The following ASPRV1 variants were observed in gnomAD, a reference collection of about 807,000 sequenced individuals.
ASPRV1 encodes aspartic peptidase retroviral like 1.
A neutral mutation model predicts 11.0 loss-of-function variants in ASPRV1; 7 were observed. That is an observed-to-expected ratio of 0.64 (90% CI 0.36 to 1.20). The LOEUF (loss-of-function observed/expected upper bound fraction) is 1.20, where lower values mean the gene tolerates loss of function less well. Among genes scored for constraint, ASPRV1 ranks in the 50% most tolerant of loss-of-function variants. ASPRV1 has a pLI of 0.02. For synonymous variants in ASPRV1, 136 were observed against 138.4 expected, an observed-to-expected ratio of 0.98 and a Z score of 0.12; for missense variants, 299 against 320.0, an observed-to-expected ratio of 0.93 and a Z score of 0.50.
chr2:70,073,396 C>T, the ASPRV1 span: 10 of 152,180 alleles, frequency 6.6e-5, no homozygotes, highest in East Asian at 5.8e-4. Flanking sequence ...GCTAAAAGTA[C>T]GGGTTTGATA....
At chr2:70,035,646 C>T in the ASPRV1 span, among the ~76,000 whole-genome samples, 1 of 149,600 alleles carries the variant, frequency 6.7e-6, no homozygotes, top group African/African-American at 2.5e-5. Context: ...TTCTGGACTC[C>T]TCATACGAGA....
the ASPRV1 span, among the ~76,000 whole-genome samples, chr2:70,032,477 C>T: frequency 6.7e-6 from 1 of 148,976 alleles, no homozygotes; most frequent in Non-Finnish European, 1.5e-5. Context: ...AGCAACCTGG[C>T]GAGACTTGGT....
At chr2:69,934,094 G>A in the ASPRV1 span, among the ~76,000 whole-genome samples, 40 of 152,342 alleles carry the variant, frequency 2.6e-4, no homozygotes, top group Admixed American at 7.2e-4. Context: ...TTTGAGGCAC[G>A]GTGACAGCAC....
the ASPRV1 span, among the ~76,000 whole-genome samples, chr2:70,061,551 C>T: frequency 6.6e-6 from 1 of 152,110 alleles, no homozygotes; most frequent in Non-Finnish European, 1.5e-5. Context: ...GATGAAGGTG[C>T]CAGCAGTAGG....
At chr2:69,935,010 A>G in the ASPRV1 span, among the ~76,000 whole-genome samples, 2 of 152,248 alleles carry the variant, frequency 1.3e-5, no homozygotes, top group African/African-American at 2.4e-5. Flanking sequence ...CAATAAACTC[A>G]TTATAAATTT....
At chr2:69,935,383 T>C in the ASPRV1 span, 1 of 1,614,138 alleles carries the variant, frequency 6.2e-7, no homozygotes, top group Non-Finnish European at 8.5e-7. Context: ...CTGGAGAAGT[T>C]GAAGGGGCTG....
the ASPRV1 span, among the ~76,000 whole-genome samples, chr2:69,943,381 A>C: frequency 2.0e-5 from 3 of 152,214 alleles, no homozygotes; most frequent in African/African-American, 7.2e-5. Flanking sequence ...ATGAGAAGTT[A>C]GAGGTGGTGC....
At chr2:70,005,232 A>C in the ASPRV1 span, among the ~76,000 whole-genome samples, 1 of 151,930 alleles carries the variant, frequency 6.6e-6, no homozygotes, top group Admixed American at 6.6e-5. Flanking sequence ...GCTAATTTTT[A>C]AACTTTTTGT....
chr2:70,069,682 T>C, the ASPRV1 span, among the ~76,000 whole-genome samples: 1 of 152,152 alleles, frequency 6.6e-6, no homozygotes, highest in South Asian at 2.1e-4. Context: ...TTGGCAAAAT[T>C]CCTGTCTCAC....
the ASPRV1 span, among the ~76,000 whole-genome samples, chr2:70,057,543 A>G: frequency 6.6e-6 from 1 of 151,094 alleles, no homozygotes; most frequent in Non-Finnish European, 1.5e-5. Flanking sequence ...CAGTGGTGTG[A>G]TCTCGGCTCA....
chr2:70,077,771 C>A, the ASPRV1 span, among the ~76,000 whole-genome samples: 2 of 151,678 alleles, frequency 1.3e-5, no homozygotes, highest in African/African-American at 4.8e-5. Flanking sequence ...AGGAGAATCA[C>A]TTGAATACGG....
chr2:70,072,635 T>C, the ASPRV1 span, among the ~76,000 whole-genome samples: 2 of 151,868 alleles, frequency 1.3e-5, no homozygotes, highest in Admixed American at 6.6e-5. Flanking sequence ...GGCAGGAGAA[T>C]CACTTGAACT....
At chr2:70,081,769 GA>G in the ASPRV1 span, among the ~76,000 whole-genome samples, 1 of 151,668 alleles carries the variant, frequency 6.6e-6, no homozygotes, top group East Asian at 1.9e-4. Flanking sequence ...TTTTTTTGTA[GA>G]GACAGGGTCT....
the ASPRV1 span, among the ~76,000 whole-genome samples, chr2:70,023,484 T>A: frequency 6.6e-6 from 1 of 152,088 alleles, no homozygotes; most frequent in Non-Finnish European, 1.5e-5. Flanking sequence ...GCCTCTCTTC[T>A]CCACTCAGGC....
At chr2:70,029,798 C>G in the ASPRV1 span, among the ~76,000 whole-genome samples, 1 of 152,058 alleles carries the variant, frequency 6.6e-6, no homozygotes, top group Admixed American at 6.5e-5. Flanking sequence ...GAATTCTCAT[C>G]AAGGACCCCT....
the ASPRV1 span, among the ~76,000 whole-genome samples, chr2:70,002,499 T>C: frequency 1.3e-5 from 2 of 152,230 alleles, no homozygotes; most frequent in Non-Finnish European, 2.9e-5. Context: ...AGCTCAGTTC[T>C]AGGCCAGCTT....
chr2:70,086,008 T>C, the ASPRV1 span: 2 of 152,238 alleles, frequency 1.3e-5, no homozygotes, highest in African/African-American at 2.4e-5. Flanking sequence ...CCCCCTATTA[T>C]CCACTATTAA....
the ASPRV1 span, among the ~76,000 whole-genome samples, chr2:70,066,585 T>C: frequency 4.0e-5 from 6 of 151,222 alleles, no homozygotes; most frequent in African/African-American, 1.5e-4. Flanking sequence ...ATTTAAGCAA[T>C]CATTCTTACA....
chr2:69,993,157 G>C, the ASPRV1 span, among the ~76,000 whole-genome samples: 1 of 152,192 alleles, frequency 6.6e-6, no homozygotes, highest in South Asian at 2.1e-4. Flanking sequence ...TCGGCAAGTG[G>C]GCTGCCCTGG....
Sources: gnomAD v4.1 joint callset for allele counts (sites outside exome capture counted in the v4.1 genomes callset) on GRCh38, gnomAD v4.1.1 for gene constraint, MANE v1.5 for transcripts, NCBI Gene and HGNC (gene_info 2026-07-23, HGNC 2026-07-21) for gene names.